The following ACSM2B variants were observed in gnomAD, a reference collection of about 807,000 sequenced individuals.
ACSM2B encodes acyl-CoA synthetase medium chain family member 2B.
A neutral mutation model predicts 78.6 loss-of-function variants in ACSM2B; 58 were observed. That is an observed-to-expected ratio of 0.74 (90% CI 0.60 to 0.92). ACSM2B has a LOEUF of 0.92. ACSM2B is among the 40% of genes least tolerant of loss of function. The pLI is 0.00. For missense variants in ACSM2B, 688 were observed against 711.2 expected (o/e 0.97, Z 0.37); for synonymous variants, 257 against 256.8 (o/e 1.00, Z -0.01).
chr16:20,574,689 C>A lies in ACSM2B; in HGVS notation c.-9+1518G>T, dbSNP rs377710289. ...CCTCACTTTAACAGTAGATACTTGG[C>A]GAGGCTGTGCATGGTGAGGCTGTGC... On this transcript the variant is annotated intron_variant, in intron 1 of 13. Transcript: ENST00000329697. The A allele has an allele frequency of 1.2e-3, 169 of 136,534 alleles. 1 individual carries two copies. Among genetic ancestry groups the A allele is most frequent in the Non-Finnish European group, 1.7e-3 (115 of 66,618 alleles). The allele number at this position is 136,534 out of a possible 1,614,324, so 8.5% of individuals were successfully genotyped here.
chr16:20,541,732 G>C (rs1380025776), intron 12 of ACSM2B: 1 of 128,430 alleles, frequency 7.8e-6, no homozygotes, highest in African/African-American at 2.9e-5. Flanking sequence ...ACCCAGGCTA[G>C]AGTGCAGAGG....
Position 20,559,445 on chromosome 16 carries a change from A to T in ACSM2B, c.180T>A (p.Ala60=). Residue 60 remains alanine, a splice_region_variant and synonymous_variant, in exon 3 of 14, where the codon GCT becomes GCA. Coordinates refer to ENST00000329697, the MANE Select transcript of ACSM2B (RefSeq NM_001105069.2). ...GGGCTGGGCTTGGGAGTCGCTTGCC[A>T]GCCTGAGGAAAGAGAAACCCTGTTG... The part of the protein sequence containing the change: ...VLDHWADMEK[A]GKRLPSPALW... 6.2e-7 allele frequency: 1 copy of T among 1,612,784 alleles called. No homozygotes were observed. Among genetic ancestry groups the T allele is most frequent in the African/African-American group, 1.3e-5 (1 of 74,848 alleles).
chr16:20,569,951 G>T (rs1367711597), intron 1 of ACSM2B, among the ~76,000 whole-genome samples: 1 of 151,838 alleles, frequency 6.6e-6, no homozygotes, highest in African/African-American at 2.4e-5. Context: ...AGTTGTAGGA[G>T]TTCTTTGGAG....
chr16:20,567,330 TATA>T (rs1241649257), intron 1 of ACSM2B, among the ~76,000 whole-genome samples: 26 of 111,490 alleles, frequency 2.3e-4, no homozygotes, highest in Admixed American at 7.2e-4. Context: ...TAATATACAG[TATA>T]ATATTATATA....
chr16:20,566,284 T>TAG (rs1416485638), intron 1 of ACSM2B, among the ~76,000 whole-genome samples: 1 of 110,656 alleles, frequency 9.0e-6, no homozygotes, highest in South Asian at 2.8e-4. Flanking sequence ...TATATATATA[T>TAG]AGACAGATAT....
chr16:20,561,451 A>G (rs1596728021), intron 2 of ACSM2B, among the ~76,000 whole-genome samples: 1 of 151,488 alleles, frequency 6.6e-6, no homozygotes, highest in East Asian at 2.0e-4. Flanking sequence ...AGTGCCATGT[A>G]TGTTAAAACA....
intron 1 of ACSM2B, among the ~76,000 whole-genome samples, chr16:20,566,676 C>CTATATATAGTAT (rs1435556712): frequency 1.4e-3 from 8 of 5,602 alleles, no homozygotes; most frequent in East Asian, 7.1e-3. Context: ...ATAGTATATA[C>CTATATATAGTAT]ATATAGTATA....
chr16:20,558,637 T>C (rs1296445479), intron 3 of ACSM2B, among the ~76,000 whole-genome samples: 2 of 152,156 alleles, frequency 1.3e-5, no homozygotes, highest in African/African-American at 4.8e-5. Context: ...ATCACTTCCA[T>C]TGAGACTTAG....
At chr16:20,566,955 T>C in intron 1 of ACSM2B, among the ~76,000 whole-genome samples, 1 of 110,644 alleles carries the variant, frequency 9.0e-6, no homozygotes, top group African/African-American at 4.3e-5. Flanking sequence ...ATATATCATA[T>C]ATATTATATA....
At chr16:20,540,911 A>G in intron 12 of ACSM2B, 138 bp from the exon 13 acceptor site, 1 of 1,324,692 alleles carries the variant, frequency 7.5e-7, no homozygotes, top group Non-Finnish European at 1.0e-6. Flanking sequence ...GTCAAGGGAA[A>G]GGGAGAAACT....
intron 1 of ACSM2B, among the ~76,000 whole-genome samples, chr16:20,566,679 A>AC (rs1567218249): frequency 0.056 from 185 of 3,314 alleles, 4 homozygotes; most frequent in Middle Eastern, 0.17. Flanking sequence ...GTATATACAT[A>AC]TAGTATATAC....
At chr16:20,540,963 T>C (rs1315680909) in intron 12 of ACSM2B, 190 bp from the exon 13 acceptor site, 4 of 772,334 alleles carry the variant, frequency 5.2e-6, no homozygotes, top group East Asian at 3.1e-5. Flanking sequence ...AAGTCGTTTA[T>C]TGGAGGAGCA....
At chr16:20,555,606 G>A (rs772727432) in intron 3 of ACSM2B, 130 bp from the exon 4 acceptor site, 112 of 1,479,246 alleles carry the variant, frequency 7.6e-5, no homozygotes, top group East Asian at 9.7e-5. Flanking sequence ...AATGGAGAAC[G>A]TCAATAAAAA....
chr16:20,573,121 G>A (rs561512092), intron 1 of ACSM2B, among the ~76,000 whole-genome samples: 1 of 151,498 alleles, frequency 6.6e-6, no homozygotes, highest in Non-Finnish European at 1.5e-5. Context: ...GTGATTTTTG[G>A]GGGGAGGTGT....
intron 2 of ACSM2B, among the ~76,000 whole-genome samples, chr16:20,562,880 T>G (rs776467926): frequency 1.6e-4 from 24 of 152,152 alleles, no homozygotes; most frequent in Non-Finnish European, 3.2e-4. Flanking sequence ...CTGGAAAACT[T>G]ACTGACACTA....
In ACSM2B at chr16:20,546,456, A is replaced by G. The variant is rs779412492; in HGVS notation, c.1117T>C (p.Ser373Pro). The G allele has an allele frequency of 1.6e-5, 25 of 1,608,658 alleles. No homozygotes were observed. The highest frequency in any genetic ancestry group is 1.7e-5 in the Non-Finnish European group (20 of 1,176,376). The part of the protein sequence containing the change: ...QTETGLTCMV[S>P]KTMKIKPGYM... The stretch of plus-strand genomic sequence containing the variant: ...CCTGGTTTGATTTTCATTGTCTTGG[A>G]AACCATGCAAGTTAATCCCTGTGGA... The change falls in exon 9 of 14, where the codon TCC becomes CCC. Residue 373 changes from serine (S) to proline (P), a missense_variant. Coordinates refer to ENST00000329697, the MANE Select transcript of ACSM2B (RefSeq NM_001105069.2).
At chr16:20,554,004 T>G (rs2015394989) in intron 4 of ACSM2B, 84 bp from the exon 5 acceptor site, 3 of 1,590,964 alleles carry the variant, frequency 1.9e-6, no homozygotes, top group East Asian at 4.5e-5. Context: ...CACCACCCAC[T>G]GTGCTGAAAA....
intron 9 of ACSM2B, among the ~76,000 whole-genome samples, chr16:20,545,994 A>G (rs1022450903): frequency 6.6e-6 from 1 of 152,090 alleles, no homozygotes; most frequent in African/African-American, 2.4e-5. Flanking sequence ...ATACTATTTA[A>G]TACTATATCA....
chr16:20,566,734 GTATATACTA>G (rs1567218605), intron 1 of ACSM2B, among the ~76,000 whole-genome samples: 1 of 6,318 alleles, frequency 1.6e-4, no homozygotes, highest in African/African-American at 6.6e-4. Flanking sequence ...ACTATATATA[GTATATACTA>G]TATATACTAT....
Sources: gnomAD v4.1 joint callset for allele counts (sites outside exome capture counted in the v4.1 genomes callset) on GRCh38, gnomAD v4.1.1 for gene constraint, MANE v1.5 for transcripts, NCBI Gene and HGNC (gene_info 2026-07-23, HGNC 2026-07-21) for gene names.